The following APC2 variants were observed in gnomAD, a reference collection of about 807,000 sequenced individuals.
APC2 encodes adenomatous polyposis coli protein 2.
In APC2, 41 loss-of-function variants were observed where a neutral mutation model predicts 72.5. The ratio of observed to expected loss-of-function variants is 0.57; its 90% CI spans 0.44 to 0.73. The LOEUF (loss-of-function observed/expected upper bound fraction) is 0.73. Ranked by LOEUF, APC2 falls within the 30% of genes least tolerant of loss-of-function variation. The pLI is 0.00. For missense variants in APC2, 3,729 were observed against 3,403.4 expected, an observed-to-expected ratio of 1.10 and a Z score of -2.38; for synonymous variants, 1,898 against 1,612.0, an observed-to-expected ratio of 1.18 and a Z score of -4.25.
chr19:1,462,182 G>GCGCGCCC lies in APC2; in HGVS notation c.1853+6_1853+7insGCGCCCC. 1 of 1,535,434 alleles carries GCGCGCCC rather than the reference G, an allele frequency of 6.5e-7. No individual in the cohort carries two copies. Among genetic ancestry groups the GCGCGCCC allele is most frequent in the Non-Finnish European group, 8.8e-7 (1 of 1,139,638 alleles). On this transcript the variant is annotated splice_donor_region_variant and intron_variant, in intron 14 of 14. Transcript: ENST00000590469. The stretch of plus-strand genomic sequence containing the variant: ...CGCCACCCGTGAGGACTACAGGTCG[G>GCGCGCCC]CCCCCACCCCCCCACCCGCACACAG...
At position 1,462,194 on chromosome 19, in the gene APC2, CCACCCGCA is replaced by C. The variant is rs770608734; in HGVS notation, c.1853+21_1853+28del. ...GGACTACAGGTCGGCCCCCACCCCC[CCACCCGCA>C]CACAGGCAGCTGCGCTCGGGGCGGG... On this transcript the variant is annotated intron_variant, in intron 14 of 14. Transcript: ENST00000590469. The C allele has an allele frequency of 4.6e-6, 7 of 1,528,524 alleles. No homozygotes were observed. Among genetic ancestry groups the C allele is most frequent in the East Asian group, 4.9e-5 (2 of 40,858 alleles). 94.7% of individuals were successfully genotyped at this position (1,528,524 alleles called of 1,614,324 possible).
At chr19:1,457,902 T>A in intron 9 of APC2, 63 bp from the exon 10 acceptor site, 5 of 897,402 alleles carry the variant, frequency 5.6e-6, no homozygotes, top group South Asian at 1.5e-5. Context: ...TTGCGGGACC[T>A]TCGGGAGTCA....
chr19:1,446,315 C>G (rs1322570487), upstream of APC2: 1 of 985,050 alleles, frequency 1.0e-6, no homozygotes, highest in East Asian at 1.1e-4. This position sits in a 1 kb window ranked among gnomAD's most constrained non-coding sequence, Gnocchi z 6.1. Flanking sequence ...CCTGAGCCTG[C>G]TGCACTCGGC....
upstream of APC2, chr19:1,450,055 G>A: frequency 1.1e-6 from 1 of 883,288 alleles, no homozygotes; most frequent in South Asian, 5.2e-5. Flanking sequence ...CATGGCACCA[G>A]CCCGTCTTCC....
chr19:1,470,503 C>T lies in APC2; in HGVS notation c.*290C>T. ...CTGGCCCAGCCCTGAGCGCGCGGCC[C>T]TTCCCCTGTCGGAAGCCGTTGCTTG... On this transcript the variant is annotated 3_prime_UTR_variant, in exon 15 of 15. Transcript: ENST00000590469. 2.6e-6 allele frequency: 1 copy of T among 381,846 alleles called. No homozygotes were observed. The highest frequency in any genetic ancestry group is 4.7e-6 in the Non-Finnish European group (1 of 213,494). The allele number at this position is 381,846 out of a possible 1,614,324, so 23.7% of individuals were successfully genotyped here.
chr19:1,457,130 G>A lies in APC2; in HGVS notation c.1094G>A (p.Arg365His), dbSNP rs749078066. The A allele has an allele frequency of 2.5e-6, 4 of 1,588,470 alleles. No individual in the cohort carries two copies. The highest frequency in any genetic ancestry group is 2.3e-5 in the East Asian group (1 of 43,376). The change falls in exon 9 of 15, where the codon CGC (arginine) becomes CAC (histidine). Residue 365 changes from arginine to histidine, a missense_variant. Transcript: ENST00000590469. ...TCGCAGCCGGACCAGGGCCTGGCGCGCAAGGAGATGCGCGTCCTGCACGTG... is the reference window on the plus strand; with the variant it reads ...TCGCAGCCGGACCAGGGCCTGGCGCACAAGGAGATGCGCGTCCTGCACGTG... ...VFSQPDQGLA[R>H]KEMRVLHVLE... is the part of the protein sequence containing the mutation.
intron 5 of APC2, 37 bp from the exon 6 acceptor site, chr19:1,455,347 C>T (rs755637764): frequency 1.3e-6 from 2 of 1,597,454 alleles, no homozygotes; most frequent in Admixed American, 1.7e-5. Flanking sequence ...CTGGCCCGGG[C>T]GCCCCTCACC....
chr19:1,456,011 A>G, intron 6 of APC2, 65 bp from the exon 7 acceptor site: 1 of 1,454,628 alleles, frequency 6.9e-7, no homozygotes, highest in African/African-American at 1.5e-5. Flanking sequence ...CATCCCAGGG[A>G]GAGGCGGGGT....
In APC2 at chr19:1,465,917, C is replaced by T. The variant is rs770141039; in HGVS notation, c.2616C>T (p.Phe872=). 2 of 1,585,904 alleles carry T rather than the reference C, an allele frequency of 1.3e-6. No individual in the cohort carries two copies. Among genetic ancestry groups the T allele is most frequent in the South Asian group, 1.1e-5 (1 of 88,918 alleles). Reference sequence around the variant, plus strand: ...TGCACACCTCGTCCGACGATAGCTTCAGCCTCAGCTCTGGAGACCCGGGAC... The same window carrying T: ...TGCACACCTCGTCCGACGATAGCTTTAGCCTCAGCTCTGGAGACCCGGGAC... ...SALHTSSDDS[F]SLSSGDPGQE... is the part of the protein sequence containing the mutation. The change falls in exon 15 of 15, where the codon TTC becomes TTT. Residue 872 remains phenylalanine, a synonymous_variant. Transcript: ENST00000590469.
At position 1,466,345 on chromosome 19, in the gene APC2, C is replaced by T. The variant is rs145292370; in HGVS notation, c.3044C>T (p.Pro1015Leu). ...GGTGCCTCAAGGGCGGGTGCAGAGC[C>T]CCTCGCGGGGCCTGGAATCTCTCCA... is the stretch of plus-strand genomic sequence containing the variant. ...LEGASRAGAE[P>L]LAGPGISPGA... Residue 1015 changes from proline to leucine, a missense_variant, in exon 15 of 15, where the codon CCC becomes CTC. By Grantham distance (98) the Pro-to-Leu change is moderately conservative. Transcript: ENST00000590469. The T allele has an allele frequency of 6.1e-3, 9,583 of 1,559,740 alleles. 32 individuals are homozygous for T. The highest frequency in any genetic ancestry group is 6.9e-3 in the Non-Finnish European group (7,962 of 1,156,000).
rs899104928 is a variant in APC2, at chr19:1,452,618, T to C, written c.-18-366T>C. 2.9e-4 allele frequency: 62 copies of C among 210,972 alleles called. No individual in the cohort carries two copies. Among genetic ancestry groups the C allele is most frequent in the African/African-American group, 1.3e-3 (56 of 43,302 alleles). 13.1% of individuals were successfully genotyped at this position (210,972 alleles called of 1,614,324 possible). ...GGCCAGTCGGCTTGCTGGGTTAGGCTGTCCCAGCTGTCTGTGTGTTTGTCC... is the reference window on the plus strand; with the variant it reads ...GGCCAGTCGGCTTGCTGGGTTAGGCCGTCCCAGCTGTCTGTGTGTTTGTCC... On this transcript the variant is annotated intron_variant, in intron 1 of 14. Coordinates refer to ENST00000590469, the MANE Select transcript of APC2 (RefSeq NM_005883.3). The surrounding 1 kb of genome is among the most constrained non-coding windows in gnomAD (Gnocchi z 5.1).
chr19:1,460,988 G>T, intron 12 of APC2, 49 bp from the exon 13 acceptor site: 1 of 1,604,552 alleles, frequency 6.2e-7, no homozygotes, highest in South Asian at 1.1e-5. Context: ...TGGGGGGTTT[G>T]GGGGGCCTGG....
rs762989862 is a variant in APC2, at chr19:1,469,010, C to T, written c.5709C>T (p.Pro1903=). The T allele has an allele frequency of 3.2e-6, 5 of 1,552,624 alleles. No homozygotes were observed. The highest frequency in any genetic ancestry group is 2.5e-5 in the East Asian group (1 of 40,668). ...AGGCTGCTGGGGCCCTGCCCGGCCC[C>T]GGAGCCTCCCCGGTGCCCAAAACGC... ...VTQAAGALPG[P]GASPVPKTPA... The change falls in exon 15 of 15, where the codon CCC becomes CCT. Residue 1903 remains proline (P), a synonymous_variant. Coordinates refer to ENST00000590469, the MANE Select transcript of APC2 (RefSeq NM_005883.3).
rs1310455660 is a variant in APC2 at position 1,468,816 on chromosome 19, C to T, written c.5515C>T (p.Arg1839Trp). Reference sequence around the variant, plus strand: ...CAAAGTCCCGAGCCCCGGGCAGCAGCGGTCGCGGAGCCTACACCGGCCTGC... The same window carrying T: ...CAAAGTCCCGAGCCCCGGGCAGCAGTGGTCGCGGAGCCTACACCGGCCTGC... ...PAKVPSPGQQ[R>W]SRSLHRPAKT... The change falls in exon 15 of 15, where the codon CGG (arginine) becomes TGG (tryptophan). Residue 1839 changes from arginine to tryptophan, a missense_variant. Transcript: ENST00000590469. 3 of 1,540,128 alleles carry T rather than the reference C, an allele frequency of 1.9e-6. No homozygotes were observed. The highest frequency in any genetic ancestry group is 1.9e-5 in the Admixed American group (1 of 53,092).
chr19:1,456,081 C>G lies in APC2; in HGVS notation c.645C>G (p.Arg215=). ...CCTCGTGTGGTCCTGAGCAGATCCG[C>G]GCCTCGCGCCTGGAGCAGATTGACA... The part of the protein sequence containing the change: ...SDEMVQRAQI[R]ASRLEQIDKE... The change falls in exon 7 of 15, where the codon CGC becomes CGG. Residue 215 remains arginine, a synonymous_variant. Coordinates refer to ENST00000590469, the MANE Select transcript of APC2 (RefSeq NM_005883.3). 1 of 1,574,150 alleles carries G rather than the reference C, an allele frequency of 6.4e-7. No homozygotes were observed. The highest frequency in any genetic ancestry group is 8.6e-7 in the Non-Finnish European group (1 of 1,163,430).
Position 1,470,058 on chromosome 19 carries a change from G to A in APC2, c.6757G>A (p.Val2253Met). Residue 2253 changes from valine to methionine, a missense_variant, in exon 15 of 15, where the codon GTG (valine) becomes ATG (methionine). Val to Met is a conservative substitution (Grantham distance 21). Coordinates refer to ENST00000590469, the MANE Select transcript of APC2 (RefSeq NM_005883.3). The stretch of plus-strand genomic sequence containing the variant: ...CGTGCACGAGGGCCTGGGGGTCGCC[G>A]TGGGGGGCTTCCCCGCCAGCCGGCA... Reference protein sequence around the residue: ...PFVHEGLGVAVGGFPASRHGS... With the variant: ...PFVHEGLGVAMGGFPASRHGS... The A allele has an allele frequency of 1.3e-6, 2 of 1,585,402 alleles. No homozygotes were observed. The highest frequency in any genetic ancestry group is 8.5e-7 in the Non-Finnish European group (1 of 1,170,540).
In APC2 at chr19:1,467,900, C is replaced by A; in HGVS notation, c.4599C>A (p.Ile1533=). The part of the protein sequence containing the change: ...PTPTHRRTSA[I]PRAFTRERPQ... The stretch of plus-strand genomic sequence containing the variant: ...CAACCCACCGGCGCACATCGGCCAT[C>A]CCTCGCGCTTTTACGCGGGAGCGTC... The change falls in exon 15 of 15, where the codon ATC becomes ATA. Residue 1533 remains isoleucine, a synonymous_variant. Coordinates refer to ENST00000590469, the MANE Select transcript of APC2 (RefSeq NM_005883.3). 1 of 1,583,310 alleles carries A rather than the reference C, an allele frequency of 6.3e-7. No individual in the cohort carries two copies. Among genetic ancestry groups the A allele is most frequent in the Non-Finnish European group, 8.5e-7 (1 of 1,173,236 alleles).
intron 1 of APC2, among the ~76,000 whole-genome samples, chr19:1,451,071 G>T (rs2083737256): frequency 6.6e-6 from 1 of 152,180 alleles, no homozygotes; most frequent in African/African-American, 2.4e-5. Flanking sequence ...GCTCCCTCTG[G>T]CTGTGCATGG....
chr19:1,464,938 T>TC (rs1025374317), intron 14 of APC2, among the ~76,000 whole-genome samples: 14 of 145,402 alleles, frequency 9.6e-5, no homozygotes, highest in African/African-American at 3.0e-4. Flanking sequence ...CGGCCTACCT[T>TC]TTTTTTTTTT....
Sources: gnomAD v4.1 joint callset for allele counts (sites outside exome capture counted in the v4.1 genomes callset) on GRCh38, gnomAD v4.1.1 for gene constraint, Gnocchi (gnomAD v3.1) non-coding constraint, MANE v1.5 for transcripts, NCBI Gene and HGNC (gene_info 2026-07-23, HGNC 2026-07-21) for gene names.